The following ZFHX3 variants were observed in gnomAD, a reference collection of about 807,000 sequenced individuals.
The protein encoded by ZFHX3 is zinc finger homeobox protein 3.
In ZFHX3, 42 loss-of-function variants were observed where a neutral mutation model predicts 279.1. That is an observed-to-expected ratio of 0.15 (90% CI 0.12 to 0.19). The LOEUF is 0.19. ZFHX3 is among the 10% of genes least tolerant of loss of function. ZFHX3 has a pLI of 1.00. For synonymous variants in ZFHX3, 2,293 were observed against 1,957.8 expected, an observed-to-expected ratio of 1.17 and a Z score of -4.52; for missense variants, 4,981 against 4,754.0, an observed-to-expected ratio of 1.05 and a Z score of -1.40.
chr16:72,929,684 G>A (rs576994049), intron 3 of ZFHX3, among the ~76,000 whole-genome samples: 1 of 152,308 alleles, frequency 6.6e-6, no homozygotes, highest in Admixed American at 6.5e-5. Flanking sequence ...CACGCAAGCT[G>A]GCTGTACATA....
intron 1 of ZFHX3, among the ~76,000 whole-genome samples, chr16:73,723,258 G>T (rs950234179): frequency 6.6e-6 from 1 of 152,020 alleles, no homozygotes; most frequent in Non-Finnish European, 1.5e-5. Flanking sequence ...AGTTTAGTAG[G>T]GATCTTGGGA....
intron 1 of ZFHX3, among the ~76,000 whole-genome samples, chr16:73,698,201 G>T (rs964702495): frequency 2.0e-5 from 3 of 151,830 alleles, no homozygotes; most frequent in Admixed American, 2.0e-4. Flanking sequence ...AAAATTAATA[G>T]TATCTATAGA....
chr16:73,633,119 C>T (rs558837240), intron 2 of ZFHX3, among the ~76,000 whole-genome samples: 55 of 152,310 alleles, frequency 3.6e-4, no homozygotes, highest in Non-Finnish European at 5.6e-4. Flanking sequence ...CTTTGCTGTA[C>T]TTTAATTTCT....
At chr16:73,235,106 A>G (rs755486425) in intron 5 of ZFHX3, among the ~76,000 whole-genome samples, 5 of 152,096 alleles carry the variant, frequency 3.3e-5, no homozygotes, top group Non-Finnish European at 5.9e-5. Context: ...GTCTCACTCT[A>G]TCAACCAGGC....
intron 3 of ZFHX3, among the ~76,000 whole-genome samples, chr16:73,378,697 G>T (rs1448866317): frequency 2.0e-5 from 3 of 152,062 alleles, no homozygotes; most frequent in African/African-American, 7.2e-5. Context: ...GACCAACTTG[G>T]TCTGCTCTCT....
intron 2 of ZFHX3, among the ~76,000 whole-genome samples, chr16:73,662,141 G>C (rs1485237987): frequency 1.3e-5 from 2 of 152,002 alleles, no homozygotes; most frequent in Non-Finnish European, 2.9e-5. Context: ...GTGAAAGAGA[G>C]TTATGTTAAA....
chr16:72,927,526 G>A (rs1053008002), intron 3 of ZFHX3, among the ~76,000 whole-genome samples: 2 of 152,164 alleles, frequency 1.3e-5, no homozygotes, highest in Non-Finnish European at 2.9e-5. Flanking sequence ...GGAGGATTTG[G>A]GGGAACGTTC....
At chr16:73,693,237 T>G (rs898873570) in intron 1 of ZFHX3, among the ~76,000 whole-genome samples, 2 of 152,158 alleles carry the variant, frequency 1.3e-5, no homozygotes, top group Non-Finnish European at 2.9e-5. Context: ...GTAGCAAATA[T>G]AGGTGTGGGC....
At chr16:73,770,357 GA>G (rs968151839) in intron 1 of ZFHX3, among the ~76,000 whole-genome samples, 9 of 152,216 alleles carry the variant, frequency 5.9e-5, no homozygotes, top group African/African-American at 1.9e-4. Context: ...AGAGCCTCCA[GA>G]AAGAAACAAT....
chr16:73,262,387 A>C (rs944846381), intron 4 of ZFHX3, among the ~76,000 whole-genome samples: 4 of 152,240 alleles, frequency 2.6e-5, no homozygotes, highest in Non-Finnish European at 5.9e-5. Flanking sequence ...CTAGCAGCTG[A>C]TGCCATGGCT....
intron 1 of ZFHX3, among the ~76,000 whole-genome samples, chr16:73,753,218 T>C (rs953436620): frequency 2.0e-5 from 3 of 152,134 alleles, no homozygotes; most frequent in African/African-American, 7.2e-5. Context: ...CTGGCAAGAC[T>C]TGTGTTCCGG....
chr16:73,073,727 A>G (rs1965851541), intron 8 of ZFHX3, among the ~76,000 whole-genome samples: 1 of 151,804 alleles, frequency 6.6e-6, no homozygotes, highest in South Asian at 2.1e-4. Context: ...TCAAACTCCC[A>G]ACCTCAACTG....
rs35816942 is a variant in ZFHX3 at position 73,098,071 on chromosome 16, A to ATTTT, written c.-896-4477_-896-4474dup. 5.9e-3 allele frequency among the ~76,000 whole-genome samples: 844 copies of ATTTT among 143,156 alleles called. 18 individuals are homozygous for ATTTT. Among genetic ancestry groups the ATTTT allele is most frequent in the East Asian group, 0.022 (106 of 4,846 alleles). The allele number at this position is 143,156 out of a possible 152,430, so 93.9% of individuals were successfully genotyped here. ...AAGTATCTGCGTCCCTTGTGTATCT[A>ATTTT]TTTTTTTTTTTTTTGAGATGGAGTC... On this transcript the variant is annotated intron_variant, in intron 7 of 17. Transcript: ENST00000641206.
intron 5 of ZFHX3, among the ~76,000 whole-genome samples, chr16:73,182,238 C>A (rs932996486): frequency 6.6e-6 from 1 of 152,230 alleles, no homozygotes; most frequent in Non-Finnish European, 1.5e-5. Flanking sequence ...GGGCAGATCA[C>A]CTGAGGTTGG....
At chr16:73,113,058 C>T (rs1022601031) in intron 7 of ZFHX3, among the ~76,000 whole-genome samples, 4 of 151,722 alleles carry the variant, frequency 2.6e-5, no homozygotes, top group South Asian at 4.2e-4. Context: ...GCAAACCAGC[C>T]GGATTAGTCT....
intron 4 of ZFHX3, among the ~76,000 whole-genome samples, chr16:73,315,052 A>T (rs553703440): frequency 3.3e-5 from 5 of 152,052 alleles, no homozygotes; most frequent in Non-Finnish European, 7.4e-5. Flanking sequence ...ACGTAGTGAA[A>T]CCCTGTCTCT....
chr16:73,468,321 AC>A (rs2143596174), intron 2 of ZFHX3, among the ~76,000 whole-genome samples: 1 of 152,312 alleles, frequency 6.6e-6, no homozygotes, highest in East Asian at 1.9e-4. Context: ...AACAGCATGC[AC>A]AAGCCACCCC....
At chr16:72,900,604 C>T (rs2039010671) in intron 3 of ZFHX3, among the ~76,000 whole-genome samples, 1 of 152,216 alleles carries the variant, frequency 6.6e-6, no homozygotes, top group East Asian at 1.9e-4. Context: ...CACGTACAGC[C>T]AGGTGGGCTT....
At chr16:73,223,460 A>G (rs552483195) in intron 5 of ZFHX3, among the ~76,000 whole-genome samples, 1 of 152,320 alleles carries the variant, frequency 6.6e-6, no homozygotes, top group East Asian at 1.9e-4. Flanking sequence ...AAACAAGCAT[A>G]TAAGAAGATG....
Sources: gnomAD v4.1 joint callset for allele counts (sites outside exome capture counted in the v4.1 genomes callset) on GRCh38, gnomAD v4.1.1 for gene constraint, MANE v1.5 for transcripts, NCBI Gene and HGNC (gene_info 2026-07-23, HGNC 2026-07-21) for gene names.